TNIK: variants seen among roughly 807,000 people sequenced by gnomAD.
TNIK encodes TRAF2 and NCK-interacting protein kinase.
TNIK carries 49 observed loss-of-function variants against 191.3 expected under a neutral mutation model. The ratio of observed to expected loss-of-function variants is 0.26; its 90% CI spans 0.20 to 0.32. TNIK has a LOEUF of 0.32. Ranked by LOEUF, TNIK falls within the 10% of genes least tolerant of loss-of-function variation. The pLI is 1.00. For missense variants in TNIK, 1,155 were observed against 1,702.3 expected (o/e 0.68, Z 5.66); for synonymous variants, 594 against 600.9 (o/e 0.99, Z 0.17).
rs373290603 is a variant in TNIK at position 171,128,783 on chromosome 3, C to T, written c.1704G>A (p.Ser568=). 63 of 1,611,088 alleles carry T rather than the reference C, an allele frequency of 3.9e-5. 1 individual carries two copies. The highest frequency in any genetic ancestry group is 1.1e-4 in the East Asian group (5 of 44,824). ...RISDPNLPPR[S]ESFSISGVQP... ...GAACTCCACTAATGCTGAAGGACTC[C>T]GACCTTGGGGGCAGGTTGGGGTCAG... Residue 568 remains serine (S), a synonymous_variant, in exon 16 of 33, where the codon TCG becomes TCA. Transcript: ENST00000436636.
intron 2 of TNIK, among the ~76,000 whole-genome samples, chr3:171,295,095 T>C (rs1233068562): frequency 6.6e-6 from 1 of 152,152 alleles, no homozygotes; most frequent in Non-Finnish European, 1.5e-5. Flanking sequence ...TATATATCCT[T>C]CTGTTCACAT....
In TNIK at chr3:171,128,705, A is replaced by G; in HGVS notation, c.1773+9T>C. On this transcript the variant is annotated intron_variant, in intron 16 of 32. Coordinates refer to ENST00000436636, the MANE Select transcript of TNIK (RefSeq NM_015028.4). ...TTGGAATGCCTGATGGAATGGAGGC[A>G]GACTGTACCTGGGGATCGACTGGTC... is the stretch of plus-strand genomic sequence containing the variant. The G allele has an allele frequency of 1.9e-6, 3 of 1,606,230 alleles. No homozygotes were observed. Among genetic ancestry groups the G allele is most frequent in the South Asian group, 1.1e-5 (1 of 89,916 alleles).
At chr3:171,161,224 C>G in intron 11 of TNIK, 46 bp downstream of exon 11, 1 of 1,578,378 alleles carries the variant, frequency 6.3e-7, no homozygotes, top group Admixed American at 1.7e-5. Flanking sequence ...CACACAAGCA[C>G]AATTCAGAAT....
At chr3:171,164,473 C>G (rs548693415) in intron 10 of TNIK, among the ~76,000 whole-genome samples, 18 of 152,280 alleles carry the variant, frequency 1.2e-4, no homozygotes, top group Non-Finnish European at 2.4e-4. Flanking sequence ...AATGCATTAC[C>G]TCGTTTAATC....
intron 18 of TNIK, among the ~76,000 whole-genome samples, chr3:171,119,688 C>G (rs571514600): frequency 6.8e-6 from 1 of 146,540 alleles, no homozygotes; most frequent in Non-Finnish European, 1.5e-5. Flanking sequence ...AGCAAACTAT[C>G]GCAAGGACAA....
At position 171,240,430 on chromosome 3, in the gene TNIK, A is replaced by G. The variant is rs12696317; in HGVS notation, c.124-12209T>C. Among the ~76,000 whole-genome samples, 98 of 152,304 alleles carry G rather than the reference A, an allele frequency of 6.4e-4. 1 individual carries two copies. The highest frequency in any genetic ancestry group is 2.3e-3 in the African/African-American group (94 of 41,558). Reference sequence around the variant, plus strand: ...AGAACAGATACAAAACAATTAGCTCACTAGGTTGCAGTAAGGATTAAATTA... The same window carrying G: ...AGAACAGATACAAAACAATTAGCTCGCTAGGTTGCAGTAAGGATTAAATTA... On this transcript the variant is annotated intron_variant, in intron 2 of 32. Coordinates refer to ENST00000436636, the MANE Select transcript of TNIK (RefSeq NM_015028.4).
chr3:171,159,331 A>G lies in TNIK; in HGVS notation c.1017-1667T>C, dbSNP rs6788862. 0.11 allele frequency among the ~76,000 whole-genome samples: 17,156 copies of G among 151,988 alleles called. 2,893 individuals are homozygous for G. Among genetic ancestry groups the G allele is most frequent in the African/African-American group, 0.37 (15,179 of 41,340 alleles). On this transcript the variant is annotated intron_variant, in intron 11 of 32. Coordinates refer to ENST00000436636, the MANE Select transcript of TNIK (RefSeq NM_015028.4). This position sits in a 1 kb window ranked among gnomAD's most constrained non-coding sequence, Gnocchi z 4.1. The stretch of plus-strand genomic sequence containing the variant: ...GGTGACGGTGGTAACGAGAACAGGA[A>G]TGAGGAATGCTGAGGGAGGAGCAAG...
At chr3:171,206,290 TAC>T (rs986803544) in intron 4 of TNIK, among the ~76,000 whole-genome samples, 6 of 150,512 alleles carry the variant, frequency 4.0e-5, no homozygotes, top group African/African-American at 1.2e-4. Flanking sequence ...CATATGTATG[TAC>T]ACACAGACAA....
At chr3:171,118,814 T>G (rs972718718) in intron 18 of TNIK, among the ~76,000 whole-genome samples, 9 of 152,182 alleles carry the variant, frequency 5.9e-5, no homozygotes, top group Non-Finnish European at 1.3e-4. Flanking sequence ...ACTTAAATGT[T>G]AGACCTAAAA....
chr3:171,188,639 G>T, intron 7 of TNIK, 63 bp downstream of exon 7: 2 of 1,583,606 alleles, frequency 1.3e-6, no homozygotes, highest in South Asian at 2.3e-5. Context: ...GGGCATGTAA[G>T]ACTTTATAAG....
intron 19 of TNIK, among the ~76,000 whole-genome samples, chr3:171,108,474 C>T (rs191533085): frequency 1.3e-3 from 199 of 152,300 alleles, no homozygotes; most frequent in Admixed American, 4.4e-3. Context: ...CTCATTTAAT[C>T]CTCACTCCAA....
At chr3:171,141,703 C>T (rs1192466188) in intron 12 of TNIK, among the ~76,000 whole-genome samples, 2 of 152,202 alleles carry the variant, frequency 1.3e-5, no homozygotes, top group African/African-American at 4.8e-5. Context: ...AAGTCTTTTC[C>T]CATACATCAT....
intron 2 of TNIK, among the ~76,000 whole-genome samples, chr3:171,335,413 C>T (rs1488316567): frequency 2.0e-5 from 3 of 152,188 alleles, no homozygotes; most frequent in East Asian, 3.8e-4. Context: ...AAAGTTCTCT[C>T]ATGCCCCTTT....
At chr3:171,212,319 A>G (rs1740933924) in intron 3 of TNIK, among the ~76,000 whole-genome samples, 1 of 152,010 alleles carries the variant, frequency 6.6e-6, no homozygotes, top group African/African-American at 2.4e-5. Context: ...AGTTTAATCG[A>G]CATTCACCAG....
chr3:171,238,287 C>A (rs1189789264), intron 2 of TNIK, among the ~76,000 whole-genome samples: 1 of 151,204 alleles, frequency 6.6e-6, no homozygotes, highest in Non-Finnish European at 1.5e-5. Flanking sequence ...GCACTCCAAC[C>A]TGGGGGACAG....
rs922302118 is a variant in TNIK, at chr3:171,324,913, A to G, written c.123+44707T>C. The stretch of plus-strand genomic sequence containing the variant: ...GGAGATCGAGACCATCCTGGCTAAC[A>G]TGGTGAAACCCCGTCTCTACTAAAA... On this transcript the variant is annotated intron_variant, in intron 2 of 32. Coordinates refer to ENST00000436636, the MANE Select transcript of TNIK (RefSeq NM_015028.4). 5.3e-5 allele frequency among the ~76,000 whole-genome samples: 8 copies of G among 151,850 alleles called. No individual in the cohort carries two copies. The East Asian group carries it at 1.5e-3, about 29-fold the overall frequency.
At chr3:171,195,575 G>A (rs1323503096) in intron 4 of TNIK, among the ~76,000 whole-genome samples, 3 of 150,488 alleles carry the variant, frequency 2.0e-5, no homozygotes, top group East Asian at 3.9e-4. Flanking sequence ...TCAGCACTAT[G>A]TTTCCAGGTC....
chr3:171,178,412 T>C (rs548877393), intron 7 of TNIK, among the ~76,000 whole-genome samples: 1 of 134,484 alleles, frequency 7.4e-6, no homozygotes, highest in South Asian at 2.7e-4. Context: ...AATTATTGCC[T>C]ATTTTGTGAG....
At position 171,458,833 on chromosome 3, in the gene TNIK, T is replaced by C. The variant is rs570908418; in HGVS notation, c.57+1174A>G. On this transcript the variant is annotated intron_variant, in intron 1 of 32. Coordinates refer to ENST00000436636, the MANE Select transcript of TNIK (RefSeq NM_015028.4). ...CAAGTATATGCACTCGCTTTCTTTT[T>C]AATTTTATTTTTGGTTCGGGAGAGG... Among the ~76,000 whole-genome samples, 4 of 152,326 alleles carry C rather than the reference T, an allele frequency of 2.6e-5. 1 individual carries two copies. The highest frequency in any genetic ancestry group is 9.6e-5 in the African/African-American group (4 of 41,568).
Sources: gnomAD v4.1 joint callset for allele counts (sites outside exome capture counted in the v4.1 genomes callset) on GRCh38, gnomAD v4.1.1 for gene constraint, Gnocchi (gnomAD v3.1) non-coding constraint, MANE v1.5 for transcripts, NCBI Gene and HGNC (gene_info 2026-07-23, HGNC 2026-07-21) for gene names.